The following CNBD1 variants were observed in gnomAD, a reference collection of about 807,000 sequenced individuals.
CNBD1 encodes the protein cyclic nucleotide-binding domain-containing protein 1.
A neutral mutation model predicts 54.4 loss-of-function variants in CNBD1; 71 were observed. That is an observed-to-expected ratio of 1.30 (90% CI 1.08 to 1.59). CNBD1 has a LOEUF of 1.59. Ranked by LOEUF, CNBD1 falls within the 40% of genes most tolerant of loss-of-function variation. The probability of loss-of-function intolerance (pLI) is 0.00; values close to 1 mark genes in which losing one functional copy is unlikely to be tolerated. For synonymous variants in CNBD1, 182 were observed against 170.7 expected, an observed-to-expected ratio of 1.07 and a Z score of -0.51; for missense variants, 659 against 518.0, an observed-to-expected ratio of 1.27 and a Z score of -2.64.
intron 2 of CNBD1, among the ~76,000 whole-genome samples, chr8:86,889,224 CA>C (rs1808729655): frequency 6.6e-6 from 1 of 151,938 alleles, no homozygotes; most frequent in African/African-American, 2.4e-5. Context: ...GTTACAAATA[CA>C]AAATCAGATA....
At chr8:87,322,011 A>T (rs1470264820) in intron 8 of CNBD1, among the ~76,000 whole-genome samples, 2 of 137,642 alleles carry the variant, frequency 1.5e-5, no homozygotes, top group African/African-American at 5.5e-5. Flanking sequence ...TGTCCATGTG[A>T]TCTCATTGTT....
chr8:87,219,827 A>G (rs549801566), intron 5 of CNBD1, among the ~76,000 whole-genome samples: 1 of 152,136 alleles, frequency 6.6e-6, no homozygotes, highest in African/African-American at 2.4e-5. Context: ...CGGGAATAAT[A>G]AGAGTTAACT....
rs920179868 is a variant in CNBD1, at chr8:87,164,589, T to A, written c.432-41404T>A. 2.0e-5 allele frequency among the ~76,000 whole-genome samples: 3 copies of A among 151,918 alleles called. No homozygotes were observed. The Middle Eastern group carries it at 0.01, about 517-fold the overall frequency. On this transcript the variant is annotated intron_variant, in intron 4 of 10. Transcript: ENST00000518476. ...TACAATTTGTTGGCATATAATTGTT[T>A]ACAGTAGTTTTTTTATGATCTTTTG...
intron 3 of CNBD1, among the ~76,000 whole-genome samples, chr8:86,912,690 A>T (rs896647760): frequency 1.3e-5 from 2 of 152,108 alleles, no homozygotes. Context: ...TTTAGAGTGT[A>T]TTTATTCTAT....
chr8:87,136,157 A>G (rs1052669200), intron 4 of CNBD1, among the ~76,000 whole-genome samples: 1 of 152,046 alleles, frequency 6.6e-6, no homozygotes, highest in Non-Finnish European at 1.5e-5. Context: ...AAGCAACTCA[A>G]AAGCAATGGA....
intron 4 of CNBD1, among the ~76,000 whole-genome samples, chr8:86,969,813 C>T (rs1191020653): frequency 6.6e-6 from 1 of 150,582 alleles, no homozygotes; most frequent in Non-Finnish European, 1.5e-5. Context: ...CACACACACA[C>T]ACACACACAT....
intron 6 of CNBD1, among the ~76,000 whole-genome samples, chr8:87,239,234 G>A (rs1807640993): frequency 1.3e-5 from 2 of 152,052 alleles, no homozygotes; most frequent in Admixed American, 6.6e-5. Flanking sequence ...GTTTGCAGAA[G>A]GACAAGTATA....
At chr8:87,320,149 A>AACTG (rs1809488252) in intron 8 of CNBD1, among the ~76,000 whole-genome samples, 1 of 152,068 alleles carries the variant, frequency 6.6e-6, no homozygotes, top group Non-Finnish European at 1.5e-5. Context: ...AAAAATTAAA[A>AACTG]ACTGACTTGA....
At chr8:86,909,168 T>G (rs1453697422) in intron 3 of CNBD1, among the ~76,000 whole-genome samples, 6 of 152,318 alleles carry the variant, frequency 3.9e-5, no homozygotes, top group African/African-American at 1.2e-4. Context: ...TTTTGAGCCA[T>G]CTTAACTCAT....
At chr8:87,030,354 C>T (rs745896391) in intron 4 of CNBD1, among the ~76,000 whole-genome samples, 1 of 152,138 alleles carries the variant, frequency 6.6e-6, no homozygotes, top group Non-Finnish European at 1.5e-5. Context: ...AGCATTAAAA[C>T]AGAAGATACT....
intron 8 of CNBD1, among the ~76,000 whole-genome samples, chr8:87,349,322 T>C (rs1810235477): frequency 6.6e-6 from 1 of 152,196 alleles, no homozygotes; most frequent in Non-Finnish European, 1.5e-5. Flanking sequence ...TGCATGATTC[T>C]GTTTCTAGTC....
At chr8:87,071,925 C>G (rs1810767275) in intron 4 of CNBD1, among the ~76,000 whole-genome samples, 1 of 152,026 alleles carries the variant, frequency 6.6e-6, no homozygotes, top group African/African-American at 2.4e-5. Context: ...AAATCTCCCA[C>G]TATACTTGTG....
chr8:87,122,080 C>G (rs1811902100), intron 4 of CNBD1, among the ~76,000 whole-genome samples: 1 of 151,604 alleles, frequency 6.6e-6, no homozygotes, highest in Admixed American at 6.6e-5. Flanking sequence ...TGGGTGTATA[C>G]TCAGAAGTAG....
chr8:86,959,756 T>A (rs7009726), intron 4 of CNBD1, among the ~76,000 whole-genome samples: 111,715 of 152,004 alleles, frequency 0.73, 42,364 homozygotes, highest in East Asian at 0.96. Context: ...TCATCTAATC[T>A]TTTTTCAAGG....
intron 2 of CNBD1, among the ~76,000 whole-genome samples, chr8:87,427,984 A>G (rs1296786757): frequency 2.0e-5 from 3 of 152,064 alleles, no homozygotes; most frequent in Non-Finnish European, 4.4e-5. Flanking sequence ...TGGTTTGGGT[A>G]GGGTAGCCTG....
At chr8:87,231,245 AT>A (rs1322188380) in intron 5 of CNBD1, among the ~76,000 whole-genome samples, 1 of 152,180 alleles carries the variant, frequency 6.6e-6, no homozygotes, top group Non-Finnish European at 1.5e-5. Context: ...TTTGTAATGT[AT>A]TTTTTAACTG....
chr8:87,074,689 G>T (rs1357440728), intron 4 of CNBD1, among the ~76,000 whole-genome samples: 2 of 152,052 alleles, frequency 1.3e-5, no homozygotes, highest in Non-Finnish European at 2.9e-5. Context: ...GGCTCTTTTG[G>T]CTGTGTACCA....
chr8:87,207,392 T>C (rs968663197), intron 5 of CNBD1, among the ~76,000 whole-genome samples: 1 of 151,800 alleles, frequency 6.6e-6, no homozygotes, highest in Admixed American at 6.6e-5. Context: ...AAAGAGTAAA[T>C]AGAATAATTG....
chr8:87,341,100 A>G (rs1412902954), intron 8 of CNBD1, among the ~76,000 whole-genome samples: 1 of 152,074 alleles, frequency 6.6e-6, no homozygotes, highest in African/African-American at 2.4e-5. Flanking sequence ...TTTTCTTTAG[A>G]TGTATCTTCT....
Sources: allele counts gnomAD v4.1 joint callset (sites outside exome capture counted in the v4.1 genomes callset), GRCh38; gene constraint gnomAD v4.1.1; transcripts MANE v1.5; gene names NCBI Gene and HGNC (gene_info 2026-07-23, HGNC 2026-07-21).